Variants in KLHL29 observed in about 807,000 individuals in gnomAD.
KLHL29 encodes the protein kelch like family member 29.
KLHL29 carries 21 observed loss-of-function variants against 80.4 expected under a neutral mutation model. The ratio of observed to expected loss-of-function variants is 0.26; its 90% CI spans 0.19 to 0.38. The LOEUF (loss-of-function observed/expected upper bound fraction) is 0.38, where lower values mean the gene tolerates loss of function less well. KLHL29 is among the 10% of genes least tolerant of loss of function. The pLI, the probability that KLHL29 is intolerant of heterozygous loss-of-function variation, is 1.00. For synonymous variants in KLHL29, 511 were observed against 526.8 expected, an observed-to-expected ratio of 0.97 and a Z score of 0.41; for missense variants, 867 against 1,223.9, an observed-to-expected ratio of 0.71 and a Z score of 4.35.
rs1667633591 is a variant in KLHL29 at position 23,568,095 on chromosome 2, T to A, written c.285+5614T>A. 1.3e-5 allele frequency among the ~76,000 whole-genome samples: 2 copies of A among 152,158 alleles called. 1 individual carries two copies. Among genetic ancestry groups the A allele is most frequent in the Admixed American group, 1.3e-4 (2 of 15,278 alleles). ...AAAGCACCCATTTCAGAGCCTGCAG[T>A]TTGGGCTGAGTGGCCCGAACTTAAA... On this transcript the variant is annotated intron_variant, in intron 3 of 13. Coordinates refer to ENST00000486442, the MANE Select transcript of KLHL29 (RefSeq NM_052920.2).
rs1479167219 is a variant in KLHL29 at position 23,491,057 on chromosome 2, C to T, written c.-46+15390C>T. ...CATGGTGGTTTGCTGCACCTATCAA[C>T]CCATCATCTAGGTTTTAAGCCCTGC... On this transcript the variant is annotated intron_variant, in intron 2 of 13. Transcript: ENST00000486442. Among the ~76,000 whole-genome samples, 3 of 152,136 alleles carry T rather than the reference C, an allele frequency of 2.0e-5. No homozygotes were observed. In the East Asian group the frequency reaches 5.8e-4, roughly 29 times the overall value.
chr2:23,456,950 A>G (rs927390055), intron 1 of KLHL29, among the ~76,000 whole-genome samples: 2 of 152,178 alleles, frequency 1.3e-5, no homozygotes, highest in East Asian at 3.9e-4. Context: ...GGGTTGCTCC[A>G]GGTCACACAG....
rs185835570 is a variant in KLHL29 at position 23,544,907 on chromosome 2, G to A, written c.-45-17245G>A. On this transcript the variant is annotated intron_variant, in intron 2 of 13. Coordinates refer to ENST00000486442, the MANE Select transcript of KLHL29 (RefSeq NM_052920.2). The stretch of plus-strand genomic sequence containing the variant: ...AGGGCCTCATGGGTCTTAAGAAGAA[G>A]GCCTTTGGCTTTTTCTTAGGGTAGG... Among the ~76,000 whole-genome samples, 368 of 152,302 alleles carry A rather than the reference G, an allele frequency of 2.4e-3. 3 individuals carry two copies. The highest frequency in any genetic ancestry group is 8.4e-3 in the African/African-American group (349 of 41,568).
rs570949218 is a variant in KLHL29 at position 23,457,977 on chromosome 2, C to T, written c.-153-17583C>T. ...GCAGTGAACTGAGATCACGCCACTG[C>T]ACTCCAGCCTGGGCGACAGAGCGAG... On this transcript the variant is annotated intron_variant, in intron 1 of 13. Coordinates refer to ENST00000486442, the MANE Select transcript of KLHL29 (RefSeq NM_052920.2). This position sits in a 1 kb window ranked among gnomAD's most constrained non-coding sequence, Gnocchi z 4.3. Among the ~76,000 whole-genome samples, 1 of 152,180 alleles carries T rather than the reference C, an allele frequency of 6.6e-6. No individual in the cohort carries two copies. The highest frequency in any genetic ancestry group is 2.4e-5 in the African/African-American group (1 of 41,520).
intron 3 of KLHL29, among the ~76,000 whole-genome samples, chr2:23,568,553 G>A (rs1276845336): frequency 6.6e-6 from 1 of 152,230 alleles, no homozygotes; most frequent in East Asian, 1.9e-4. Flanking sequence ...GTGGTCTCAG[G>A]GTACCAAGAG....
At chr2:23,673,715 A>AC (rs1271855387) in intron 5 of KLHL29, among the ~76,000 whole-genome samples, 2 of 143,930 alleles carry the variant, frequency 1.4e-5, no homozygotes, top group African/African-American at 5.1e-5. Context: ...ACACACACAC[A>AC]CCCCTACACA....
intron 3 of KLHL29, chr2:23,616,433 A>C (rs533154943): frequency 6.6e-6 from 1 of 152,322 alleles, no homozygotes; most frequent in East Asian, 1.9e-4. Context: ...AAAAACATTT[A>C]CCAAGTCTCT....
At chr2:23,535,065 T>G (rs773688374) in intron 2 of KLHL29, among the ~76,000 whole-genome samples, 3 of 152,176 alleles carry the variant, frequency 2.0e-5, no homozygotes, top group Non-Finnish European at 2.9e-5. Context: ...CACTTAAGAT[T>G]TGGACAGTTA....
chr2:23,513,662 G>C (rs186592290), intron 2 of KLHL29, among the ~76,000 whole-genome samples: 15 of 152,306 alleles, frequency 9.8e-5, no homozygotes, highest in African/African-American at 3.4e-4. Context: ...AGCTGGTTAC[G>C]AGTCTCCTCC....
In KLHL29 at chr2:23,701,790, TTGC is replaced by T; in HGVS notation, c.2106-1394_2106-1392del. On this transcript the variant is annotated intron_variant, in intron 11 of 13. Transcript: ENST00000486442. ...TTAGCTTCGCACACATGGCTTTTTT[TTGC>T]TTTTTTTTTTTTTTTTTTTTTTTTT... 1.1e-4 allele frequency among the ~76,000 whole-genome samples: 5 copies of T among 44,412 alleles called. 1 individual carries two copies. Among genetic ancestry groups the T allele is most frequent in the East Asian group, 2.6e-3 (1 of 386 alleles). The allele number at this position is 44,412 out of a possible 152,430, so 29.1% of individuals were successfully genotyped here.
intron 2 of KLHL29, among the ~76,000 whole-genome samples, chr2:23,521,591 G>A (rs1430474187): frequency 6.6e-6 from 1 of 152,182 alleles, no homozygotes; most frequent in Non-Finnish European, 1.5e-5. Flanking sequence ...GTCTATTGAT[G>A]TCTCTGCAGG....
intron 3 of KLHL29, among the ~76,000 whole-genome samples, chr2:23,571,857 GA>G (rs1667723934): frequency 6.6e-6 from 1 of 152,040 alleles, no homozygotes; most frequent in Non-Finnish European, 1.5e-5. Flanking sequence ...CTAGTTGTGT[GA>G]AAAAGAAATA....
At chr2:23,652,897 C>A (rs1453057281) in intron 5 of KLHL29, among the ~76,000 whole-genome samples, 2 of 152,128 alleles carry the variant, frequency 1.3e-5, no homozygotes, top group Admixed American at 6.5e-5. Flanking sequence ...TTTGTAGACA[C>A]CCCCAGCCCC....
chr2:23,630,879 C>T (rs757786154), intron 3 of KLHL29, among the ~76,000 whole-genome samples: 17 of 152,176 alleles, frequency 1.1e-4, no homozygotes, highest in Non-Finnish European at 2.4e-4. Context: ...AGGAAATCAG[C>T]GCATGCCGGC....
chr2:23,675,113 T>G (rs1293302930), intron 5 of KLHL29, among the ~76,000 whole-genome samples: 3 of 152,172 alleles, frequency 2.0e-5, no homozygotes, highest in African/African-American at 7.2e-5. Context: ...TCCCAAGGTC[T>G]CTCGGCCCTG....
intron 3 of KLHL29, among the ~76,000 whole-genome samples, chr2:23,563,200 T>A (rs2103497652): frequency 6.6e-6 from 1 of 152,354 alleles, no homozygotes; most frequent in African/African-American, 2.4e-5. Context: ...GAGGCCAACC[T>A]GTGTTGCTGA....
chr2:23,485,119 G>A (rs1664900507), intron 2 of KLHL29, among the ~76,000 whole-genome samples: 2 of 152,142 alleles, frequency 1.3e-5, no homozygotes, highest in Admixed American at 6.5e-5. Flanking sequence ...GCAGCCTGCA[G>A]AGCCAAACAC....
chr2:23,411,836 G>A (rs568042655), intron 1 of KLHL29, among the ~76,000 whole-genome samples: 6 of 152,204 alleles, frequency 3.9e-5, no homozygotes, highest in South Asian at 2.1e-4. Flanking sequence ...GTCACTTAGG[G>A]TTCTTTGCAT....
At chr2:23,613,789 A>AAAAAAAAAAAAAAAT in intron 3 of KLHL29, among the ~76,000 whole-genome samples, 1 of 145,654 alleles carries the variant, frequency 6.9e-6, no homozygotes, top group African/African-American at 2.5e-5. Context: ...AAAAAAAAAA[A>AAAAAAAAAAAAAAAT]ACCCACCACT....
Sources: gnomAD v4.1 joint callset for allele counts (sites outside exome capture counted in the v4.1 genomes callset) on GRCh38, gnomAD v4.1.1 for gene constraint, Gnocchi (gnomAD v3.1) non-coding constraint, MANE v1.5 for transcripts, NCBI Gene and HGNC (gene_info 2026-07-23, HGNC 2026-07-21) for gene names.